The following ANK2 variants were observed in gnomAD, a reference collection of about 807,000 sequenced individuals.
ANK2 encodes ankyrin-2.
A neutral mutation model predicts 360.5 loss-of-function variants in ANK2; 83 were observed. The ratio of observed to expected loss-of-function variants is 0.23; its 90% CI spans 0.19 to 0.28. ANK2 has a LOEUF of 0.28. ANK2 is among the 10% of genes least tolerant of loss of function. The pLI is 1.00. For missense variants in ANK2, 4,201 were observed against 4,795.7 expected, an observed-to-expected ratio of 0.88 and a Z score of 3.66; for synonymous variants, 1,740 against 1,759.5, an observed-to-expected ratio of 0.99 and a Z score of 0.28.
chr4:113,242,248 T>A, intron 9 of ANK2, 39 bp downstream of exon 9: 1 of 1,575,514 alleles, frequency 6.3e-7, no homozygotes, highest in Non-Finnish European at 8.7e-7. Flanking sequence ...ACCATTATTA[T>A]TTCTTTCAAG....
At position 112,934,121 on chromosome 4, in the gene ANK2, T is replaced by C. The variant is rs567397931; in HGVS notation, c.21+29607T>C. On this transcript the variant is annotated intron_variant, in intron 2 of 30. Transcript: ENST00000503271. ...GTTATGAAAATTCACCTAGTGTAGT[T>C]TCGGGAGACAGAATTGTGACCAATT... 3.2e-4 allele frequency among the ~76,000 whole-genome samples: 49 copies of C among 152,294 alleles called. 1 individual carries two copies. Among genetic ancestry groups the C allele is most frequent in the African/African-American group, 1.2e-3 (49 of 41,572 alleles).
chr4:113,135,519 C>CTGTG (rs1554167121), intron 1 of ANK2, among the ~76,000 whole-genome samples: 1 of 146,912 alleles, frequency 6.8e-6, no homozygotes, highest in Non-Finnish European at 1.5e-5. Flanking sequence ...CTGTGTGTGT[C>CTGTG]TCTCTGTGTG....
At chr4:113,070,112 AT>A (rs2077020413) in intron 1 of ANK2, 1 of 152,130 alleles carries the variant, frequency 6.6e-6, no homozygotes. Context: ...CTGCGTGTAC[AT>A]TTCAGAGAAC....
intron 22 of ANK2, among the ~76,000 whole-genome samples, chr4:113,301,472 T>G (rs2074978133): frequency 6.6e-6 from 1 of 152,070 alleles, no homozygotes; most frequent in East Asian, 1.9e-4. Flanking sequence ...TACATATCCT[T>G]TTTTTTGTGA....
the ANK2 span, among the ~76,000 whole-genome samples, chr4:112,730,636 CAAAAAAAAAAAAAAA>C: frequency 1.4e-4 from 8 of 57,944 alleles, no homozygotes; most frequent in Non-Finnish European, 1.5e-4. Context: ...GACTCCATCT[CAAAAAAAAAAAAAAA>C]AAAAAAAGAA....
At chr4:112,946,931 G>C (rs1284084041) in intron 2 of ANK2, among the ~76,000 whole-genome samples, 1 of 152,144 alleles carries the variant, frequency 6.6e-6, no homozygotes, top group Non-Finnish European at 1.5e-5. Flanking sequence ...ATTCTTTTAA[G>C]TTGAAGAATA....
chr4:112,742,427 A>T, the ANK2 span, among the ~76,000 whole-genome samples: 1 of 149,276 alleles, frequency 6.7e-6, no homozygotes, highest in Non-Finnish European at 1.5e-5. Context: ...TGTGTGTATT[A>T]GGACGGCTAT....
rs146531225 is a variant in ANK2 at position 113,354,788 on chromosome 4, C to T, written c.6170C>T (p.Pro2057Leu). 1.2e-5 allele frequency: 19 copies of T among 1,613,836 alleles called. 1 individual carries two copies. The African/African-American group carries it at 1.3e-4, about 11-fold the overall frequency. ...NQTIKRGQRL[P>L]VTGTAESKRG... ...ACAATCAAACGAGGCCAGAGACTCC[C>T]GGTAACGGGCACAGCAGAATCCAAA... Residue 2057 changes from proline to leucine, a missense_variant, in exon 38 of 46, where the codon CCG becomes CTG. Coordinates refer to ENST00000357077, the MANE Select transcript of ANK2 (RefSeq NM_001148.6).
chr4:112,861,839 C>CAGAGAGAGAG (rs141841376), intron 1 of ANK2, among the ~76,000 whole-genome samples: 4,122 of 140,432 alleles, frequency 0.029, 116 homozygotes, highest in African/African-American at 0.069. Flanking sequence ...TACATAGAGA[C>CAGAGAGAGAG]AGAGAGAGAG....
intron 2 of ANK2, among the ~76,000 whole-genome samples, chr4:113,021,582 C>T (rs1420583360): frequency 2.1e-4 from 18 of 86,274 alleles, no homozygotes; most frequent in Non-Finnish European, 7.4e-5. Flanking sequence ...ATATATATGC[C>T]AAGGAGCCTT....
intron 14 of ANK2, among the ~76,000 whole-genome samples, chr4:113,271,394 G>T (rs1349497589): frequency 2.6e-5 from 4 of 152,034 alleles, no homozygotes; most frequent in African/African-American, 9.7e-5. Context: ...AAGGGTGCAG[G>T]GGGTATTGGG....
chr4:112,924,720 A>G (rs909283501), intron 2 of ANK2, among the ~76,000 whole-genome samples: 1 of 151,984 alleles, frequency 6.6e-6, no homozygotes, highest in Non-Finnish European at 1.5e-5. Flanking sequence ...TATGTTATTT[A>G]TATGCATAGA....
Position 113,367,748 on chromosome 4 carries a change from G to T in ANK2, c.11215G>T (p.Ala3739Ser), listed in dbSNP as rs1433278591. 1.2e-6 allele frequency: 2 copies of T among 1,613,376 alleles called. No individual in the cohort carries two copies. Among genetic ancestry groups the T allele is most frequent in the East Asian group, 4.5e-5 (2 of 44,792 alleles). ...AACTGAGGGGGACAGCTCAGCAACAGCACTCTTTCCCCAAACTCACAAGGA... is the reference window on the plus strand; with the variant it reads ...AACTGAGGGGGACAGCTCAGCAACATCACTCTTTCCCCAAACTCACAAGGA... ...PKTEGDSSAT[A>S]LFPQTHKEQV... Residue 3739 changes from alanine to serine, a missense_variant, in exon 42 of 46, where the codon GCA becomes TCA. Coordinates refer to ENST00000357077, the MANE Select transcript of ANK2 (RefSeq NM_001148.6).
rs2099331109 is a variant in ANK2 at position 113,233,104 on chromosome 4, CTGTTTTTTTTTTTT to C, written c.483+847_483+860del. On this transcript the variant is annotated intron_variant, in intron 5 of 45. Coordinates refer to ENST00000357077, the MANE Select transcript of ANK2 (RefSeq NM_001148.6). Reference sequence around the variant, plus strand: ...ACCAGAGTATATGGGCTTGGCTTTTCTGTTTTTTTTTTTTTTTTTTTTTTTTTTTTTTTTTTTTT... The same window carrying C: ...ACCAGAGTATATGGGCTTGGCTTTTCTTTTTTTTTTTTTTTTTTTTTTTTT... 1.7e-3 allele frequency among the ~76,000 whole-genome samples: 50 copies of C among 29,302 alleles called. 13 individuals carry two copies. Among genetic ancestry groups the C allele is most frequent in the African/African-American group, 5.3e-3 (38 of 7,114 alleles). The allele number at this position is 29,302 out of a possible 152,430, so 19.2% of individuals were successfully genotyped here. A position where few individuals can be genotyped will look rare whatever the true frequency, so the allele number is the denominator to read the frequency against.
intron 4 of ANK2, among the ~76,000 whole-genome samples, chr4:113,216,891 A>ATTT (rs57900954): frequency 3.4e-5 from 5 of 147,592 alleles, no homozygotes; most frequent in Admixed American, 6.8e-5. Context: ...TTCAAACACT[A>ATTT]TTTTTTTTTT....
At chr4:113,227,988 T>G (rs2099245714) in intron 4 of ANK2, among the ~76,000 whole-genome samples, 1 of 152,146 alleles carries the variant, frequency 6.6e-6, no homozygotes, top group Non-Finnish European at 1.5e-5. Context: ...TAACAGAAGC[T>G]CAATAAGTCA....
chr4:113,196,080 CTCTT>C (rs2098742648), intron 2 of ANK2, among the ~76,000 whole-genome samples: 1 of 152,076 alleles, frequency 6.6e-6, no homozygotes, highest in African/African-American at 2.4e-5. Flanking sequence ...TAAAATTGTT[CTCTT>C]TAAGTCATTT....
At chr4:112,731,690 G>A in the ANK2 span, among the ~76,000 whole-genome samples, 1 of 151,774 alleles carries the variant, frequency 6.6e-6, no homozygotes, top group African/African-American at 2.4e-5. Flanking sequence ...CCATGATCGT[G>A]CCCCTGCACT....
chr4:113,355,592 A>T lies in ANK2; in HGVS notation c.6974A>T (p.Asp2325Val), dbSNP rs752319494. ...SPKDTSPKRQ[D>V]DCTGSCSVAL... is the part of the protein sequence containing the mutation. Reference sequence around the variant, plus strand: ...AAAGACACAAGCCCTAAAAGACAAGATGATTGCACAGGCAGCTGTAGTGTA... The same window carrying T: ...AAAGACACAAGCCCTAAAAGACAAGTTGATTGCACAGGCAGCTGTAGTGTA... Residue 2325 changes from aspartate to valine, a missense_variant, in exon 38 of 46, where the codon GAT becomes GTT. Asp to Val is a radical substitution (Grantham distance 152). This residue lies in a region of ANK2 where 2,642 missense variants were observed against 2,714.5 expected (regional missense o/e 0.97). Transcript: ENST00000357077. The T allele has an allele frequency of 1.1e-5, 18 of 1,614,094 alleles. No homozygotes were observed. Among genetic ancestry groups the T allele is most frequent in the Admixed American group, 3.3e-5 (2 of 60,026 alleles).
Sources: allele counts gnomAD v4.1 joint callset (sites outside exome capture counted in the v4.1 genomes callset), GRCh38; gene constraint gnomAD v4.1.1; regional missense constraint gnomAD v4.1.1; transcripts MANE v1.5; gene names NCBI Gene and HGNC (gene_info 2026-07-23, HGNC 2026-07-21).